The following CCSER1 variants were observed in gnomAD, a reference collection of about 807,000 sequenced individuals.
CCSER1 encodes serine-rich coiled-coil domain-containing protein 1.
Under a neutral mutation model 82.0 loss-of-function variants are expected in CCSER1, and 41 were observed. The ratio of observed to expected loss-of-function variants is 0.50; its 90% CI spans 0.39 to 0.65. The LOEUF (loss-of-function observed/expected upper bound fraction) is 0.65. Among genes scored for constraint, CCSER1 ranks in the 30% least tolerant of loss-of-function variants. The pLI is 0.00. For missense variants in CCSER1, 1,119 were observed against 1,064.2 expected, an observed-to-expected ratio of 1.05 and a Z score of -0.72; for synonymous variants, 414 against 383.9, an observed-to-expected ratio of 1.08 and a Z score of -0.92.
At chr4:90,536,132 A>G (rs934107592) in intron 5 of CCSER1, among the ~76,000 whole-genome samples, 3 of 146,466 alleles carry the variant, frequency 2.0e-5, no homozygotes, top group African/African-American at 7.7e-5. Context: ...TCCTGGGTTC[A>G]AGCAATTCTC....
intron 6 of CCSER1, among the ~76,000 whole-genome samples, chr4:90,641,018 T>C (rs1026890022): frequency 1.3e-5 from 2 of 152,162 alleles, no homozygotes; most frequent in South Asian, 4.1e-4. Context: ...GCAGGGTGCC[T>C]AATCTCTCCG....
chr4:91,470,609 C>G (rs1024705506), intron 10 of CCSER1, among the ~76,000 whole-genome samples: 1 of 152,050 alleles, frequency 6.6e-6, no homozygotes, highest in African/African-American at 2.4e-5. Flanking sequence ...AGCATATAGA[C>G]TTTTATCTCT....
chr4:90,963,083 T>A (rs1734200351), intron 9 of CCSER1, among the ~76,000 whole-genome samples: 2 of 152,296 alleles, frequency 1.3e-5, no homozygotes, highest in South Asian at 2.1e-4. Context: ...AGGTTTCTTT[T>A]TAAGGTAGAA....
intron 10 of CCSER1, among the ~76,000 whole-genome samples, chr4:91,461,215 A>G (rs1165870732): frequency 6.6e-6 from 1 of 152,204 alleles, no homozygotes; most frequent in African/African-American, 2.4e-5. Context: ...CACAATGACA[A>G]TGATGATAAT....
At chr4:90,568,599 T>G (rs1051695413) in intron 5 of CCSER1, among the ~76,000 whole-genome samples, 2 of 152,188 alleles carry the variant, frequency 1.3e-5, no homozygotes, top group African/African-American at 4.8e-5. Context: ...GCTCTTGTAC[T>G]TTAATCCATT....
intron 6 of CCSER1, among the ~76,000 whole-genome samples, chr4:90,721,788 A>G (rs1247923048): frequency 6.6e-6 from 1 of 151,648 alleles, no homozygotes; most frequent in African/African-American, 2.4e-5. Context: ...AAATGGGAAA[A>G]CAATAGGATA....
chr4:91,551,436 T>C (rs938357531), intron 10 of CCSER1, among the ~76,000 whole-genome samples: 3 of 152,092 alleles, frequency 2.0e-5, no homozygotes, highest in East Asian at 3.9e-4. Flanking sequence ...CAAAACCTCA[T>C]TGAAGAGCCG....
In CCSER1 at chr4:90,127,765, C is replaced by CGT. The variant is rs1722025319; in HGVS notation, c.-106_-105dup. 2.6e-5 allele frequency: 4 copies of CGT among 153,136 alleles called. No individual in the cohort carries two copies. The highest frequency in any genetic ancestry group is 1.3e-4 in the Admixed American group (2 of 15,288). The allele number at this position is 153,136 out of a possible 1,614,324, so 9.5% of individuals were successfully genotyped here. On this transcript the variant is annotated 5_prime_UTR_variant, in exon 1 of 11. Coordinates refer to ENST00000509176, the MANE Select transcript of CCSER1 (RefSeq NM_001145065.2). ...GGAGGGGGACCAGGAAGGACACCCC[C>CGT]GTGCCCCGAAGACATAAATCCCTGA...
At position 90,892,692 on chromosome 4, in the gene CCSER1, G is replaced by A. The variant is rs900666101; in HGVS notation, c.2095-30678G>A. Among the ~76,000 whole-genome samples, 5 of 151,916 alleles carry A rather than the reference G, an allele frequency of 3.3e-5. No individual in the cohort carries two copies. In the South Asian group the frequency reaches 6.2e-4, roughly 19 times the overall value. On this transcript the variant is annotated intron_variant, in intron 8 of 10. Transcript: ENST00000509176. ...GTGGTGTTTAACAGTTATGTAGGCC[G>A]ATTTTATTATTGATTTCTTAACTTA...
chr4:91,192,203 C>A (rs150354740), intron 10 of CCSER1, among the ~76,000 whole-genome samples: 20 of 152,070 alleles, frequency 1.3e-4, no homozygotes, highest in African/African-American at 4.3e-4. Flanking sequence ...CCCCACTTTT[C>A]CCCCCATGGA....
chr4:90,511,054 A>G (rs773351022), intron 5 of CCSER1, among the ~76,000 whole-genome samples: 90 of 152,224 alleles, frequency 5.9e-4, no homozygotes, highest in Non-Finnish European at 8.2e-4. Flanking sequence ...GGAAACTGTT[A>G]GCAGGAAAGT....
chr4:90,607,276 A>G (rs1461007060), intron 5 of CCSER1, among the ~76,000 whole-genome samples: 2 of 152,170 alleles, frequency 1.3e-5, no homozygotes, highest in East Asian at 3.9e-4. Context: ...ATTTAATAGA[A>G]TAAATCTTAT....
chr4:90,957,697 GGT>G (rs1437418875), intron 9 of CCSER1, among the ~76,000 whole-genome samples: 1 of 59,100 alleles, frequency 1.7e-5, no homozygotes, highest in African/African-American at 8.5e-5. Flanking sequence ...ATAATTTCAT[GGT>G]GTATATATAT....
chr4:90,959,829 T>C (rs138690714), intron 9 of CCSER1, among the ~76,000 whole-genome samples: 1 of 151,920 alleles, frequency 6.6e-6, no homozygotes, highest in African/African-American at 2.4e-5. Flanking sequence ...AGCACCTCTC[T>C]TCTTGCCTGT....
chr4:91,147,373 C>A (rs1729643121), intron 10 of CCSER1, among the ~76,000 whole-genome samples: 2 of 152,178 alleles, frequency 1.3e-5, no homozygotes, highest in Non-Finnish European at 2.9e-5. Context: ...ACTTCTCTTG[C>A]CAGATGGCTG....
At chr4:91,101,367 C>T (rs189777607) in intron 10 of CCSER1, among the ~76,000 whole-genome samples, 5 of 152,272 alleles carry the variant, frequency 3.3e-5, no homozygotes, top group Admixed American at 1.3e-4. Flanking sequence ...GGAATTTGAC[C>T]TGAAAGGTCA....
intron 8 of CCSER1, among the ~76,000 whole-genome samples, chr4:90,817,383 T>A (rs6838797): frequency 1.3e-5 from 2 of 151,838 alleles, no homozygotes; most frequent in African/African-American, 4.8e-5. Flanking sequence ...TACAAGAAAT[T>A]GGACCTTCAT....
At chr4:91,173,965 T>C (rs1364989552) in intron 10 of CCSER1, among the ~76,000 whole-genome samples, 2 of 152,158 alleles carry the variant, frequency 1.3e-5, no homozygotes, top group African/African-American at 4.8e-5. Context: ...TTGTAGTTTT[T>C]ATATATATAT....
At chr4:91,587,771 T>C (rs1023459648) in intron 10 of CCSER1, among the ~76,000 whole-genome samples, 4 of 151,634 alleles carry the variant, frequency 2.6e-5, no homozygotes, top group Non-Finnish European at 4.4e-5. Context: ...TGTATGGAAA[T>C]ATTAAACACT....
Sources: gnomAD v4.1 joint callset for allele counts (sites outside exome capture counted in the v4.1 genomes callset) on GRCh38, gnomAD v4.1.1 for gene constraint, MANE v1.5 for transcripts, NCBI Gene and HGNC (gene_info 2026-07-23, HGNC 2026-07-21) for gene names.